The following ERGIC1 variants were observed in gnomAD, a reference collection of about 807,000 sequenced individuals.
ERGIC1 encodes the protein endoplasmic reticulum-golgi intermediate compartment 1, also known as endoplasmic reticulum-Golgi intermediate compartment protein 1.
Under a neutral mutation model 38.3 loss-of-function variants are expected in ERGIC1, and 19 were observed. That is an observed-to-expected ratio of 0.50 (90% CI 0.35 to 0.73). The LOEUF is 0.73. ERGIC1 is among the 30% of genes least tolerant of loss of function. The pLI is 0.01. For missense variants in ERGIC1, 294 were observed against 389.2 expected (o/e 0.76, Z 2.06); for synonymous variants, 124 against 157.6 (o/e 0.79, Z 1.60).
intron 3 of ERGIC1, among the ~76,000 whole-genome samples, chr5:172,904,031 C>T (rs939286040): frequency 4.6e-5 from 7 of 151,982 alleles, no homozygotes; most frequent in Non-Finnish European, 7.4e-5. Flanking sequence ...ACTCTCCTGC[C>T]CTGGGGCAGC....
chr5:172,894,827 G>T (rs1490028228), intron 2 of ERGIC1, among the ~76,000 whole-genome samples: 2 of 152,262 alleles, frequency 1.3e-5, no homozygotes, highest in African/African-American at 2.4e-5. Context: ...CACATAGTAA[G>T]TGCCCAGCAA....
chr5:172,897,093 A>G lies in ERGIC1; in HGVS notation c.155+19A>G, dbSNP rs1561723709. 6.2e-7 allele frequency: 1 copy of G among 1,611,574 alleles called. No homozygotes were observed. On this transcript the variant is annotated intron_variant, in intron 3 of 9. Transcript: ENST00000393784. ...CAGAAGTGTAAGTCATACTTTCCCG[A>G]TGGGGCATTCCAGGATGTTCTGGGA... is the stretch of plus-strand genomic sequence containing the variant.
At position 172,847,309 on chromosome 5, in the gene ERGIC1, T is replaced by C. The variant is rs1189383628; in HGVS notation, c.20+12876T>C. Among the ~76,000 whole-genome samples the C allele has an allele frequency of 2.0e-5, 3 of 152,214 alleles. No individual in the cohort carries two copies. The East Asian group carries it at 5.8e-4, about 29-fold the overall frequency. Reference sequence around the variant, plus strand: ...CTTTGTCCAGAACTCAGAGACCTGGTCACACCTAACTGCAGGAGAGGTCAG... The same window carrying C: ...CTTTGTCCAGAACTCAGAGACCTGGCCACACCTAACTGCAGGAGAGGTCAG... On this transcript the variant is annotated intron_variant, in intron 1 of 9. Coordinates refer to ENST00000393784, the MANE Select transcript of ERGIC1 (RefSeq NM_001031711.3).
intron 1 of ERGIC1, among the ~76,000 whole-genome samples, chr5:172,838,967 G>T (rs1301971495): frequency 6.6e-6 from 1 of 152,104 alleles, no homozygotes; most frequent in South Asian, 2.1e-4. Flanking sequence ...TAAAATGAGC[G>T]CTGTGGCTCA....
chr5:172,935,348 G>A (rs1561743056), intron 9 of ERGIC1, 38 bp downstream of exon 9: 2 of 1,612,192 alleles, frequency 1.2e-6, no homozygotes, highest in South Asian at 2.2e-5. Context: ...CCCTGAGCCA[G>A]CCACCCTGCG....
chr5:172,844,625 T>C (rs1761240387), intron 1 of ERGIC1, among the ~76,000 whole-genome samples: 1 of 152,140 alleles, frequency 6.6e-6, no homozygotes, highest in South Asian at 2.1e-4. Context: ...GTCAATTTCT[T>C]TGGGCACAGG....
At chr5:172,891,155 C>T (rs559508080) in intron 2 of ERGIC1, among the ~76,000 whole-genome samples, 3 of 152,366 alleles carry the variant, frequency 2.0e-5, no homozygotes, top group Non-Finnish European at 1.5e-5. Context: ...TTTCTTCTCA[C>T]TGTCCTCCCG....
intron 1 of ERGIC1, among the ~76,000 whole-genome samples, chr5:172,864,562 A>G (rs1451768965): frequency 1.3e-5 from 2 of 151,908 alleles, no homozygotes; most frequent in Non-Finnish European, 2.9e-5. Flanking sequence ...TTCTCCTGGG[A>G]TGGGATGGAG....
intron 3 of ERGIC1, among the ~76,000 whole-genome samples, chr5:172,907,323 C>T (rs576621804): frequency 2.6e-5 from 4 of 152,186 alleles, no homozygotes; most frequent in South Asian, 4.1e-4. Context: ...TTTGGGAGGC[C>T]GAGGCAGGCA....
chr5:172,859,847 C>G (rs1244755796), intron 1 of ERGIC1, among the ~76,000 whole-genome samples: 1 of 152,228 alleles, frequency 6.6e-6, no homozygotes. Flanking sequence ...TTCTCTAACT[C>G]CAAACTCCAC....
At chr5:172,865,637 G>T (rs1431194755) in intron 1 of ERGIC1, among the ~76,000 whole-genome samples, 2 of 152,034 alleles carry the variant, frequency 1.3e-5, no homozygotes, top group African/African-American at 4.8e-5. Flanking sequence ...CCCCCACCAC[G>T]GGGTGACCTA....
chr5:172,875,581 A>G (rs1012699211), intron 1 of ERGIC1, among the ~76,000 whole-genome samples: 5 of 152,280 alleles, frequency 3.3e-5, no homozygotes, highest in Non-Finnish European at 5.9e-5. Context: ...TCAGAATCCA[A>G]CAAGGTCTAC....
intron 2 of ERGIC1, among the ~76,000 whole-genome samples, chr5:172,890,572 G>A (rs905015155): frequency 6.6e-6 from 1 of 152,226 alleles, no homozygotes; most frequent in African/African-American, 2.4e-5. Flanking sequence ...TTATTCTACA[G>A]TAAAAAGTTT....
chr5:172,892,296 A>C (rs2113282735), intron 2 of ERGIC1, among the ~76,000 whole-genome samples: 1 of 152,318 alleles, frequency 6.6e-6, no homozygotes, highest in Non-Finnish European at 1.5e-5. Flanking sequence ...TGTGCTGATG[A>C]ACGGGGCTTC....
Position 172,855,150 on chromosome 5 carries a change from T to G in ERGIC1, c.20+20717T>G, listed in dbSNP as rs1441645810. 2.6e-5 allele frequency among the ~76,000 whole-genome samples: 4 copies of G among 152,192 alleles called. No homozygotes were observed. The East Asian group carries it at 5.8e-4, about 22-fold the overall frequency. ...GGATGTCACAGGTCACTGCACCACC[T>G]ACCACCTCCCTGGAGTGGCATTTCC... On this transcript the variant is annotated intron_variant, in intron 1 of 9. Transcript: ENST00000393784.
At position 172,855,752 on chromosome 5, in the gene ERGIC1, C is replaced by T. The variant is rs976236134; in HGVS notation, c.20+21319C>T. 2.6e-5 allele frequency among the ~76,000 whole-genome samples: 4 copies of T among 152,274 alleles called. No individual in the cohort carries two copies. In the South Asian group the frequency reaches 6.2e-4, roughly 24 times the overall value. On this transcript the variant is annotated intron_variant, in intron 1 of 9. Coordinates refer to ENST00000393784, the MANE Select transcript of ERGIC1 (RefSeq NM_001031711.3). ...GAATGCACCAGGCAGGCAGAGCCTT[C>T]GGGCACGGTGAGGAGTGTGCCCTGT...
intron 1 of ERGIC1, among the ~76,000 whole-genome samples, chr5:172,857,866 G>A (rs910203066): frequency 4.6e-5 from 7 of 152,002 alleles, no homozygotes; most frequent in African/African-American, 1.7e-4. Context: ...TCCCCAGGCT[G>A]TTCATTCGCT....
At chr5:172,897,672 T>A (rs1407186611) in intron 3 of ERGIC1, among the ~76,000 whole-genome samples, 1 of 152,220 alleles carries the variant, frequency 6.6e-6, no homozygotes, top group Non-Finnish European at 1.5e-5. Context: ...GCCATCCCTT[T>A]GTTTGGCCAG....
chr5:172,895,788 G>A (rs1241578247), intron 2 of ERGIC1, among the ~76,000 whole-genome samples: 1 of 152,002 alleles, frequency 6.6e-6, no homozygotes, highest in Non-Finnish European at 1.5e-5. Flanking sequence ...ATGAGTCCAG[G>A]CAAAGGAACA....
Sources: allele counts gnomAD v4.1 joint callset (sites outside exome capture counted in the v4.1 genomes callset), GRCh38; gene constraint gnomAD v4.1.1; transcripts MANE v1.5; gene names NCBI Gene and HGNC (gene_info 2026-07-23, HGNC 2026-07-21).